Variants in IL23R observed in about 807,000 individuals in gnomAD.
The protein encoded by IL23R is interleukin-23 receptor.
In IL23R, 34 loss-of-function variants were observed where a neutral mutation model predicts 56.9. The observed-to-expected ratio is 0.60, with a 90% CI of 0.45 to 0.80. The LOEUF (loss-of-function observed/expected upper bound fraction) is 0.80, where lower values mean the gene tolerates loss of function less well. IL23R is among the 30% of genes least tolerant of loss of function. IL23R has a pLI of 0.00. For missense variants in IL23R, 635 were observed against 730.0 expected (o/e 0.87, Z 1.50); for synonymous variants, 230 against 249.2 (o/e 0.92, Z 0.73).
chr1:67,143,201 A>G (rs1378443519), intron 1 of IL23R, among the ~76,000 whole-genome samples: 1 of 152,224 alleles, frequency 6.6e-6, no homozygotes, highest in Non-Finnish European at 1.5e-5. Context: ...TAAGAAAAAA[A>G]TCTTTAGACT....
chr1:67,212,447 T>A (rs961430914), intron 6 of IL23R, among the ~76,000 whole-genome samples: 35 of 151,844 alleles, frequency 2.3e-4, no homozygotes, highest in Admixed American at 1.9e-3. Context: ...TTGCTGGAGG[T>A]GGGGGGTTTA....
At chr1:67,222,084 C>CTTTCTT (rs1558251136) in intron 7 of IL23R, among the ~76,000 whole-genome samples, 3 of 123,718 alleles carry the variant, frequency 2.4e-5, no homozygotes, top group African/African-American at 9.7e-5. Flanking sequence ...GAATCCTTTT[C>CTTTCTT]TCTTTCTTTC....
intron 8 of IL23R, among the ~76,000 whole-genome samples, chr1:67,237,331 G>A (rs755810708): frequency 6.6e-6 from 1 of 152,138 alleles, no homozygotes; most frequent in African/African-American, 2.4e-5. Flanking sequence ...GTGAGCCACC[G>A]CACCTGGCCA....
Position 67,259,098 on chromosome 1 carries a change from CT to C in IL23R, c.1862del (p.Phe621SerfsTer18). The part of the protein sequence containing the change: ...YFPQNILESH[F>X]NRISLLEK The stretch of plus-strand genomic sequence containing the variant: ...TTCCACAAAATATTTTGGAAAGCCA[CT>C]TCAATAGGATTTCACTCTTGGAAAA... On this transcript the variant is annotated frameshift_variant, in exon 11 of 11. Transcript: ENST00000347310. LOFTEE classifies it high-confidence loss of function. 1 of 1,613,906 alleles carries C rather than the reference CT, an allele frequency of 6.2e-7. No homozygotes were observed.
intron 7 of IL23R, among the ~76,000 whole-genome samples, chr1:67,234,761 G>A (rs1651355679): frequency 7.3e-6 from 1 of 137,650 alleles, no homozygotes. Flanking sequence ...AGGCTGGAGT[G>A]CAGTGGTGTG....
At chr1:67,181,486 G>A (rs1647140741) in intron 3 of IL23R, among the ~76,000 whole-genome samples, 1 of 152,136 alleles carries the variant, frequency 6.6e-6, no homozygotes, top group African/African-American at 2.4e-5. Flanking sequence ...AGCTCCATCA[G>A]GTCCTTTAAG....
chr1:67,145,731 T>A (rs1341845701), intron 1 of IL23R, among the ~76,000 whole-genome samples: 1 of 152,194 alleles, frequency 6.6e-6, no homozygotes, highest in Non-Finnish European at 1.5e-5. Flanking sequence ...AACAGGATCA[T>A]TAAAATAGTC....
chr1:67,219,953 C>A (rs918500562), intron 7 of IL23R, among the ~76,000 whole-genome samples: 1 of 152,032 alleles, frequency 6.6e-6, no homozygotes, highest in African/African-American at 2.4e-5. Context: ...CATTTGTAGT[C>A]GCAGCTACTT....
At chr1:67,222,009 A>T (rs35427944) in intron 7 of IL23R, among the ~76,000 whole-genome samples, 42,354 of 151,680 alleles carry the variant, frequency 0.28, 7,043 homozygotes, top group East Asian at 0.72. Flanking sequence ...GCTTCTATTT[A>T]AAAAAAATAA....
At position 67,185,030 on chromosome 1, in the gene IL23R, A is replaced by G. The variant is rs531520905; in HGVS notation, c.491+2071A>G. ...AGCAGAGAGTGAGCCCTCACCAGAC[A>G]CTGAATCTGCTGATGCCTTGATCTT... On this transcript the variant is annotated intron_variant, in intron 4 of 10. Transcript: ENST00000347310. Among the ~76,000 whole-genome samples the G allele has an allele frequency of 2.6e-5, 4 of 152,338 alleles. No homozygotes were observed. The South Asian group carries it at 8.3e-4, about 32-fold the overall frequency.
At chr1:67,168,016 T>C in intron 1 of IL23R, 76 bp from the exon 2 acceptor site, 1 of 833,276 alleles carries the variant, frequency 1.2e-6, no homozygotes, top group East Asian at 2.7e-5. Flanking sequence ...ACAATAATTC[T>C]TAGGGAAAAA....
downstream of IL23R, among the ~76,000 whole-genome samples, chr1:67,261,248 G>T: frequency 6.6e-6 from 1 of 150,410 alleles, no homozygotes. Context: ...CCCTTATTTG[G>T]ATAATAAATC....
rs542541712 is a variant in IL23R at position 67,192,217 on chromosome 1, G to A, written c.492-8520G>A. On this transcript the variant is annotated intron_variant, in intron 4 of 10. Coordinates refer to ENST00000347310, the MANE Select transcript of IL23R (RefSeq NM_144701.3). ...TAAGTGGAGATGTATTACTGGGTAA[G>A]CGGTCTTCCAAAAACATCTTATCTG... 8.7e-4 allele frequency among the ~76,000 whole-genome samples: 133 copies of A among 152,314 alleles called. 1 individual carries two copies. The highest frequency in any genetic ancestry group is 3.4e-3 in the Middle Eastern group (1 of 294).
chr1:67,195,106 G>T (rs1338320924), intron 4 of IL23R, among the ~76,000 whole-genome samples: 1 of 152,154 alleles, frequency 6.6e-6, no homozygotes, highest in African/African-American at 2.4e-5. Context: ...GTGGTGCAAT[G>T]TTGGCTCACT....
At chr1:67,214,759 C>G (rs1043792736) in intron 6 of IL23R, among the ~76,000 whole-genome samples, 15 of 152,110 alleles carry the variant, frequency 9.9e-5, no homozygotes, top group African/African-American at 3.4e-4. Context: ...AAGAGAGAGA[C>G]CCTCTCATAT....
At chr1:67,234,051 A>AAGGATGGG (rs1651294202) in intron 7 of IL23R, among the ~76,000 whole-genome samples, 1 of 151,972 alleles carries the variant, frequency 6.6e-6, no homozygotes, top group African/African-American at 2.4e-5. Context: ...GGTGGATTAA[A>AAGGATGGG]AGGATGGGAT....
chr1:67,222,986 G>A (rs1650398172), intron 7 of IL23R, among the ~76,000 whole-genome samples: 2 of 152,146 alleles, frequency 1.3e-5, no homozygotes, highest in South Asian at 4.1e-4. Context: ...AGGTGTGGTG[G>A]CTCATGCCTG....
At chr1:67,230,653 G>C (rs1324503588) in intron 7 of IL23R, among the ~76,000 whole-genome samples, 1 of 152,140 alleles carries the variant, frequency 6.6e-6, no homozygotes, top group East Asian at 1.9e-4. Context: ...ATAAACCCTT[G>C]AATATGTCTG....
chr1:67,248,249 C>A (rs1227560918), intron 9 of IL23R, among the ~76,000 whole-genome samples: 1 of 152,190 alleles, frequency 6.6e-6, no homozygotes, highest in African/African-American at 2.4e-5. Flanking sequence ...TTTAGGTACA[C>A]CGTTCAAACA....
Sources: gnomAD v4.1 joint callset for allele counts (sites outside exome capture counted in the v4.1 genomes callset) on GRCh38, gnomAD v4.1.1 for gene constraint, MANE v1.5 for transcripts, NCBI Gene and HGNC (gene_info 2026-07-23, HGNC 2026-07-21) for gene names.